The following NF1 variants were observed in gnomAD, a reference collection of about 807,000 sequenced individuals.
The protein encoded by NF1 is neurofibromin 1.
NF1 carries 122 observed loss-of-function variants against 325.7 expected under a neutral mutation model. That is an observed-to-expected ratio of 0.37 (90% CI 0.32 to 0.44). The LOEUF (loss-of-function observed/expected upper bound fraction) is 0.44, where lower values mean the gene tolerates loss of function less well. NF1 is among the 20% of genes least tolerant of loss of function. NF1 has a pLI of 1.00. For synonymous variants in NF1, 1,091 were observed against 1,186.0 expected, an observed-to-expected ratio of 0.92 and a Z score of 1.65; for missense variants, 2,140 against 3,415.4, an observed-to-expected ratio of 0.63 and a Z score of 9.31.
At chr17:31,346,560 A>G (rs1597855357) in intron 48 of NF1, among the ~76,000 whole-genome samples, 1 of 150,434 alleles carries the variant, frequency 6.6e-6, no homozygotes, top group East Asian at 1.9e-4. Flanking sequence ...CCCCATCCCC[A>G]CAAAGGCTGT....
In NF1 at chr17:31,229,768, A is replaced by C. The variant is rs1597716163; in HGVS notation, c.2851-67A>C. The stretch of plus-strand genomic sequence containing the variant: ...CTGTGTGTTTAGATCAGTCAGTTTC[A>C]TCTCTCTAGGGGGTCTGTCTTCTGG... On this transcript the variant is annotated intron_variant, in intron 21 of 57. Transcript: ENST00000358273. The C allele has an allele frequency of 1.9e-6, 3 of 1,591,088 alleles. No individual in the cohort carries two copies. In the East Asian group the frequency reaches 6.7e-5, roughly 36 times the overall value.
chr17:31,170,071 A>G (rs994072449), intron 5 of NF1, 74 bp downstream of exon 5: 4 of 947,606 alleles, frequency 4.2e-6, no homozygotes, highest in Non-Finnish European at 6.7e-6. Context: ...TACTAATTAT[A>G]TTAATTGTGC....
At chr17:31,283,511 T>G (rs1342100576) in intron 36 of NF1, among the ~76,000 whole-genome samples, 1 of 152,056 alleles carries the variant, frequency 6.6e-6, no homozygotes, top group African/African-American at 2.4e-5. Context: ...TGAAGTGCAG[T>G]GACGCAGTCA....
chr17:31,320,680 T>C (rs1394260869), intron 36 of NF1, among the ~76,000 whole-genome samples: 1 of 152,182 alleles, frequency 6.6e-6, no homozygotes, highest in Non-Finnish European at 1.5e-5. Flanking sequence ...GATTATGACC[T>C]TTAGTAGACA....
chr17:31,343,100 A>T lies in NF1; in HGVS notation c.7154A>T (p.Asn2385Ile), dbSNP rs2151565219. The stretch of plus-strand genomic sequence containing the variant: ...TTTGTTGGACTCAATTTCAACTCTA[A>T]CTTTAACTTTGCATTGGTTGGACAC... ...DHFVGLNFNSNFNFALVGHLL... is the reference protein window; with the variant it reads ...DHFVGLNFNSIFNFALVGHLL... Residue 2385 changes from asparagine to isoleucine, a missense_variant, in exon 48 of 58, where the codon AAC becomes ATC. By Grantham distance (149) the Asn-to-Ile change is moderately radical. Transcript: ENST00000358273. 1 of 1,614,002 alleles carries T rather than the reference A, an allele frequency of 6.2e-7. No homozygotes were observed. Among genetic ancestry groups the T allele is most frequent in the Non-Finnish European group, 8.5e-7 (1 of 1,179,880 alleles).
At chr17:31,096,952 G>C (rs1262105944) in intron 1 of NF1, among the ~76,000 whole-genome samples, 1 of 152,128 alleles carries the variant, frequency 6.6e-6, no homozygotes, top group East Asian at 1.9e-4. Context: ...GTAATTTTAA[G>C]AAAGGATTTA....
At chr17:31,210,660 A>C (rs1597694299) in intron 12 of NF1, among the ~76,000 whole-genome samples, 2 of 152,168 alleles carry the variant, frequency 1.3e-5, no homozygotes, top group Admixed American at 1.3e-4. Context: ...CAACCTGACA[A>C]AAATTTTTAA....
chr17:31,097,792 A>C lies in NF1; in HGVS notation c.60+2423A>C, dbSNP rs556776634. On this transcript the variant is annotated intron_variant, in intron 1 of 57. Coordinates refer to ENST00000358273, the MANE Select transcript of NF1 (RefSeq NM_001042492.3). ...GTTCATTGCAACCCCTGCTTCCCAC[A>C]TTCACGTGATTCTCCTGCTTCAGTC... 3.3e-5 allele frequency among the ~76,000 whole-genome samples: 5 copies of C among 152,060 alleles called. No individual in the cohort carries two copies. The East Asian group carries it at 9.7e-4, about 30-fold the overall frequency.
chr17:31,232,075 A>AAT lies in NF1; in HGVS notation c.3200_3201insAT (p.Asp1067GlufsTer11). The stretch of plus-strand genomic sequence containing the variant: ...TTTTTTTTTTTTTTTTTTTTCAGAG[A>AAT]TTTGGACCAGGCAAGCATGGAAGCA... On this transcript the variant is annotated frameshift_variant, in exon 25 of 58. Transcript: ENST00000358273. LOFTEE classifies it high-confidence loss of function. 2 of 523,390 alleles carry AAT rather than the reference A, an allele frequency of 3.8e-6. No homozygotes were observed. The highest frequency in any genetic ancestry group is 1.8e-5 in the South Asian group (1 of 55,906). The allele number at this position is 523,390 out of a possible 1,614,324, so 32.4% of individuals were successfully genotyped here.
chr17:31,330,509 A>T lies in NF1; in HGVS notation c.5812+11A>T, dbSNP rs770700990. ...GATTTAGCAAATCTAGTAAGTAATG[A>T]TAATTTTCTTTAATACTAACAATTA... On this transcript the variant is annotated intron_variant, in intron 39 of 57. Coordinates refer to ENST00000358273, the MANE Select transcript of NF1 (RefSeq NM_001042492.3). 1.3e-6 allele frequency: 2 copies of T among 1,573,734 alleles called. No individual in the cohort carries two copies. The highest frequency in any genetic ancestry group is 1.7e-6 in the Non-Finnish European group (2 of 1,143,946).
intron 16 of NF1, among the ~76,000 whole-genome samples, chr17:31,224,574 G>A (rs963158719): frequency 2.0e-5 from 3 of 152,086 alleles, no homozygotes; most frequent in Non-Finnish European, 2.9e-5. Flanking sequence ...CTCGCCTATG[G>A]TATAATCTCC....
At chr17:31,124,309 C>A (rs57830568) in intron 1 of NF1, among the ~76,000 whole-genome samples, 1 of 151,976 alleles carries the variant, frequency 6.6e-6, no homozygotes, top group Non-Finnish European at 1.5e-5. Flanking sequence ...AAGGAATCCT[C>A]TTACCTTGGC....
intron 1 of NF1, among the ~76,000 whole-genome samples, chr17:31,130,018 G>A (rs898553956): frequency 6.6e-5 from 10 of 150,518 alleles, no homozygotes; most frequent in African/African-American, 2.4e-4. Flanking sequence ...CAGAGTTCTT[G>A]TGTTGGTGCT....
In NF1 at chr17:31,182,622, A is replaced by C. The variant is rs779034900; in HGVS notation, c.845A>C (p.Gln282Pro). 2 of 1,613,992 alleles carry C rather than the reference A, an allele frequency of 1.2e-6. No individual in the cohort carries two copies. Among genetic ancestry groups the C allele is most frequent in the Non-Finnish European group, 1.7e-6 (2 of 1,179,926 alleles). Residue 282 changes from glutamine (Q) to proline (P), a missense_variant, in exon 8 of 58, where the codon CAG (glutamine) becomes CCG (proline). Physicochemically the swap from Gln to Pro is moderately conservative, Grantham distance 76. Transcript: ENST00000358273. ...CTTATCTTGTGTCCAGAAATAATCC[A>C]GGATATATCCAAAGACGTGGTTGAT... ...ILLILCPEII[Q>P]DISKDVVDEN...
chr17:31,158,714 A>G (rs542350149), intron 2 of NF1, among the ~76,000 whole-genome samples: 6 of 152,270 alleles, frequency 3.9e-5, no homozygotes, highest in African/African-American at 1.4e-4. Flanking sequence ...AGATTCTGGT[A>G]CAGGTCTATA....
At chr17:31,197,737 C>A (rs1392347151) in intron 8 of NF1, among the ~76,000 whole-genome samples, 1 of 152,062 alleles carries the variant, frequency 6.6e-6, no homozygotes, top group African/African-American at 2.4e-5. Context: ...ACATATATAT[C>A]ATCTGTGAAT....
At chr17:31,282,603 A>G (rs2068142394) in intron 36 of NF1, among the ~76,000 whole-genome samples, 1 of 152,138 alleles carries the variant, frequency 6.6e-6, no homozygotes, top group Non-Finnish European at 1.5e-5. Flanking sequence ...AAGTGGAATC[A>G]TACAATATGT....
At chr17:31,240,266 A>T (rs2067273217) in intron 29 of NF1, among the ~76,000 whole-genome samples, 2 of 149,732 alleles carry the variant, frequency 1.3e-5, no homozygotes, top group Admixed American at 1.3e-4. Context: ...CTATCATTCT[A>T]CTCTCTATCT....
At chr17:31,162,561 T>A (rs1348588019) in intron 3 of NF1, among the ~76,000 whole-genome samples, 2 of 152,234 alleles carry the variant, frequency 1.3e-5, no homozygotes, top group Non-Finnish European at 2.9e-5. Flanking sequence ...GAATTCAGAC[T>A]TGGTATTAGA....
Sources: allele counts gnomAD v4.1 joint callset (sites outside exome capture counted in the v4.1 genomes callset), GRCh38; gene constraint gnomAD v4.1.1; transcripts MANE v1.5; gene names NCBI Gene and HGNC (gene_info 2026-07-23, HGNC 2026-07-21).